ATXN2: variants seen among roughly 807,000 people sequenced by gnomAD.
The protein encoded by ATXN2 is ataxin-2.
ATXN2 carries 37 observed loss-of-function variants against 138.6 expected under a neutral mutation model. The ratio of observed to expected loss-of-function variants is 0.27; its 90% CI spans 0.21 to 0.35. The LOEUF (loss-of-function observed/expected upper bound fraction) is 0.35. ATXN2 is among the 10% of genes least tolerant of loss of function. The probability of loss-of-function intolerance (pLI) is 1.00; values close to 1 mark genes in which losing one functional copy is unlikely to be tolerated. For synonymous variants in ATXN2, 549 were observed against 543.7 expected (o/e 1.01, Z -0.13); for missense variants, 1,216 against 1,480.3 (o/e 0.82, Z 2.93).
At position 111,540,861 on chromosome 12, in the gene ATXN2, AT is replaced by A. The variant is rs1235419754; in HGVS notation, c.571+11418del. 1.1e-4 allele frequency among the ~76,000 whole-genome samples: 17 copies of A among 149,062 alleles called. 2 individuals carry two copies. Among genetic ancestry groups the A allele is most frequent in the Non-Finnish European group, 2.4e-4 (16 of 66,528 alleles). On this transcript the variant is annotated intron_variant, in intron 5 of 24. Coordinates refer to ENST00000673436, the MANE Select transcript of ATXN2 (RefSeq NM_001372574.1). ...AGGCATGTGCTACCATGCCTGACTA[AT>A]TTTTTTGTATTTTTAGTAGAGATGG... is the stretch of plus-strand genomic sequence containing the variant.
At chr12:111,580,111 GC>G (rs1312110272) in intron 1 of ATXN2, among the ~76,000 whole-genome samples, 1 of 152,080 alleles carries the variant, frequency 6.6e-6, no homozygotes, top group Non-Finnish European at 1.5e-5. Context: ...ATCACACCTA[GC>G]CATTTTGTGA....
At chr12:111,470,337 C>G in intron 19 of ATXN2, 97 bp from the exon 20 acceptor site, 1 of 1,422,482 alleles carries the variant, frequency 7.0e-7, no homozygotes, top group Non-Finnish European at 9.5e-7. Context: ...TTCCAGATTT[C>G]CAGAAACAGC....
intron 5 of ATXN2, among the ~76,000 whole-genome samples, chr12:111,545,219 T>C (rs1465331952): frequency 6.6e-6 from 1 of 151,512 alleles, no homozygotes; most frequent in Non-Finnish European, 1.5e-5. Context: ...AGTGAATAGG[T>C]TTTCATGCTA....
At chr12:111,592,015 G>C (rs1884689781) in intron 1 of ATXN2, among the ~76,000 whole-genome samples, 2 of 151,504 alleles carry the variant, frequency 1.3e-5, no homozygotes, top group South Asian at 4.2e-4. Flanking sequence ...CCGGGAAACA[G>C]AGGTTGCAGT....
intron 14 of ATXN2, among the ~76,000 whole-genome samples, chr12:111,490,279 A>G (rs889905175): frequency 3.3e-5 from 5 of 152,030 alleles, no homozygotes; most frequent in African/African-American, 1.2e-4. Context: ...CTCAGGGCAA[A>G]TGGGCAGTCT....
intron 18 of ATXN2, among the ~76,000 whole-genome samples, chr12:111,480,147 G>T (rs1249904653): frequency 1.3e-5 from 2 of 152,006 alleles, no homozygotes; most frequent in Non-Finnish European, 2.9e-5. Flanking sequence ...AGAGGAACAG[G>T]CACAATGTTT....
chr12:111,564,128 G>A (rs1882854213), intron 1 of ATXN2, among the ~76,000 whole-genome samples: 2 of 152,052 alleles, frequency 1.3e-5, no homozygotes, highest in African/African-American at 4.8e-5. Flanking sequence ...CACATTGTGT[G>A]GCCAAAGAAA....
At chr12:111,550,049 G>A (rs1251957791) in intron 5 of ATXN2, among the ~76,000 whole-genome samples, 12 of 121,458 alleles carry the variant, frequency 9.9e-5, no homozygotes, top group Non-Finnish European at 1.6e-4. Flanking sequence ...GCAACAGAGC[G>A]AAACTCCGTC....
At chr12:111,563,975 T>C (rs530991552) in intron 1 of ATXN2, among the ~76,000 whole-genome samples, 21 of 152,330 alleles carry the variant, frequency 1.4e-4, no homozygotes, top group African/African-American at 5.1e-4. Context: ...CCTGACCATA[T>C]TATGCTTCTG....
At chr12:111,569,987 GC>G (rs1209329944) in intron 1 of ATXN2, among the ~76,000 whole-genome samples, 3 of 152,310 alleles carry the variant, frequency 2.0e-5, no homozygotes, top group East Asian at 3.9e-4. Flanking sequence ...ACATGTGGCA[GC>G]TAAGCACTTG....
At chr12:111,461,828 C>T (rs1875606884) in intron 21 of ATXN2, among the ~76,000 whole-genome samples, 1 of 150,782 alleles carries the variant, frequency 6.6e-6, no homozygotes, top group African/African-American at 2.4e-5. Context: ...GAAGCTGAGG[C>T]AGAGAATTGC....
upstream of ATXN2, chr12:111,599,631 G>A: frequency 9.3e-7 from 1 of 1,081,050 alleles, no homozygotes; most frequent in Non-Finnish European, 1.1e-6. Context: ...GGGCCGGGAG[G>A]GACACGTGAG....
At chr12:111,520,307 C>T (rs943576210) in intron 7 of ATXN2, among the ~76,000 whole-genome samples, 7 of 152,166 alleles carry the variant, frequency 4.6e-5, no homozygotes, top group African/African-American at 7.2e-5. Flanking sequence ...ACTGGTTAAA[C>T]TGTTCACCAT....
At chr12:111,547,969 G>T (rs774184986) in intron 5 of ATXN2, among the ~76,000 whole-genome samples, 1 of 151,524 alleles carries the variant, frequency 6.6e-6, no homozygotes, top group South Asian at 2.1e-4. Flanking sequence ...CAGGTGGGTG[G>T]ATCACCTAAG....
Position 111,554,173 on chromosome 12 carries a change from T to C in ATXN2, c.333A>G (p.Ile111Met). ...AATAACTTACAACAACTGATGTAAGTATATGAACCATCCTCATATTTGCAT... is the reference window on the plus strand; with the variant it reads ...AATAACTTACAACAACTGATGTAAGCATATGAACCATCCTCATATTTGCAT... ...GIYANMRMVH[I>M]LTSVVGSKCE... Residue 111 changes from isoleucine (I) to methionine (M), a missense_variant, in exon 3 of 25, where the codon ATA becomes ATG. Physicochemically the swap from Ile to Met is conservative, Grantham distance 10. This residue lies in a region of ATXN2 where 401 missense variants were observed against 528.1 expected (regional missense o/e 0.76). Coordinates refer to ENST00000673436, the MANE Select transcript of ATXN2 (RefSeq NM_001372574.1). 2.0e-6 allele frequency: 3 copies of C among 1,497,750 alleles called. No individual in the cohort carries two copies. Among genetic ancestry groups the C allele is most frequent in the Non-Finnish European group, 2.7e-6 (3 of 1,113,746 alleles). 92.8% of individuals were successfully genotyped at this position (1,497,750 alleles called of 1,614,324 possible). A position where few individuals can be genotyped will look rare whatever the true frequency, so the allele number is the denominator to read the frequency against.
chr12:111,582,676 G>C (rs1007477801), intron 1 of ATXN2, among the ~76,000 whole-genome samples: 1 of 152,122 alleles, frequency 6.6e-6, no homozygotes, highest in African/African-American at 2.4e-5. Flanking sequence ...TTGTTTGTTT[G>C]TTTGTTTGAG....
rs566183538 is a variant in ATXN2 at position 111,526,360 on chromosome 12, AAAAAAG to A, written c.572-1050_572-1045del. Among the ~76,000 whole-genome samples, 409 of 151,920 alleles carry A rather than the reference AAAAAAG, an allele frequency of 2.7e-3. 3 individuals carry two copies. The highest frequency in any genetic ancestry group is 9.4e-3 in the African/African-American group (388 of 41,414). ...ACAGAGTGAGACCCTGTCTCAAAAA[AAAAAAG>A]AAAAAGAAAATTTCTATCAATCCAT... On this transcript the variant is annotated intron_variant, in intron 5 of 24. Transcript: ENST00000673436.
intron 5 of ATXN2, among the ~76,000 whole-genome samples, chr12:111,543,446 AT>A (rs1881641199): frequency 6.6e-6 from 1 of 151,924 alleles, no homozygotes; most frequent in African/African-American, 2.4e-5. Flanking sequence ...TTTATTTTTT[AT>A]TTTTGAGATG....
intron 14 of ATXN2, among the ~76,000 whole-genome samples, chr12:111,494,550 T>C (rs1326662220): frequency 6.6e-6 from 1 of 151,904 alleles, no homozygotes; most frequent in South Asian, 2.1e-4. Context: ...CTCAGCCTCC[T>C]GAGTATCTGA....
Sources: allele counts gnomAD v4.1 joint callset (sites outside exome capture counted in the v4.1 genomes callset), GRCh38; gene constraint gnomAD v4.1.1; regional missense constraint gnomAD v4.1.1; transcripts MANE v1.5; gene names NCBI Gene and HGNC (gene_info 2026-07-23, HGNC 2026-07-21).